Variants in ATP8A1 observed in about 807,000 individuals in gnomAD.
ATP8A1 encodes the protein phospholipid-transporting ATPase IA.
A neutral mutation model predicts 177.7 loss-of-function variants in ATP8A1; 90 were observed. That is an observed-to-expected ratio of 0.51 (90% CI 0.43 to 0.60). The LOEUF is 0.60. ATP8A1 is among the 20% of genes least tolerant of loss of function. ATP8A1 has a pLI of 0.00. For missense variants in ATP8A1, 1,072 were observed against 1,392.8 expected (o/e 0.77, Z 3.67); for synonymous variants, 493 against 485.9 (o/e 1.01, Z -0.19).
intron 25 of ATP8A1, chr4:42,472,162 G>A (rs1720496118): frequency 1.6e-6 from 1 of 623,372 alleles, no homozygotes; most frequent in East Asian, 3.5e-5. Flanking sequence ...AAACATCCTA[G>A]GAGCTGTATA....
intron 25 of ATP8A1, among the ~76,000 whole-genome samples, chr4:42,480,582 C>T (rs1721574592): frequency 6.6e-6 from 1 of 152,124 alleles, no homozygotes; most frequent in Non-Finnish European, 1.5e-5. Flanking sequence ...TTAAGTAGAA[C>T]ATATATTTAG....
intron 5 of ATP8A1, among the ~76,000 whole-genome samples, chr4:42,610,751 A>C (rs1180800283): frequency 6.6e-6 from 1 of 152,206 alleles, no homozygotes; most frequent in East Asian, 1.9e-4. Flanking sequence ...TAAAGCTTAT[A>C]GATGTCTGAA....
At chr4:42,460,379 CTTTTTTT>C (rs35296572) in intron 27 of ATP8A1, among the ~76,000 whole-genome samples, 6 of 94,544 alleles carry the variant, frequency 6.3e-5, no homozygotes, top group African/African-American at 2.0e-4. Flanking sequence ...ATGGATGGAT[CTTTTTTT>C]TTTTTTTTTT....
chr4:42,456,982 A>G (rs1306114807), intron 27 of ATP8A1, among the ~76,000 whole-genome samples: 1 of 152,228 alleles, frequency 6.6e-6, no homozygotes, highest in African/African-American at 2.4e-5. Flanking sequence ...TTGAGCATGT[A>G]TAAAAACTAA....
chr4:42,492,333 T>C (rs1236647031), intron 24 of ATP8A1, among the ~76,000 whole-genome samples: 1 of 152,220 alleles, frequency 6.6e-6, no homozygotes, highest in East Asian at 1.9e-4. Context: ...ACTTTGAGTT[T>C]CAGATACATC....
chr4:42,620,882 T>C (rs143152762), intron 4 of ATP8A1, among the ~76,000 whole-genome samples: 3 of 152,306 alleles, frequency 2.0e-5, no homozygotes, highest in African/African-American at 7.2e-5. Flanking sequence ...ACATGACCTC[T>C]CTAAGCCTCA....
intron 3 of ATP8A1, 59 bp downstream of exon 3, chr4:42,625,555 A>C: frequency 8.4e-7 from 1 of 1,192,512 alleles, no homozygotes; most frequent in South Asian, 1.6e-5. Flanking sequence ...GGGATTGGTC[A>C]CGGGCTTAAC....
intron 33 of ATP8A1, among the ~76,000 whole-genome samples, chr4:42,435,502 G>A (rs112646827): frequency 4.0e-4 from 60 of 148,968 alleles, no homozygotes; most frequent in African/African-American, 1.3e-3. Flanking sequence ...GAAACAGATG[G>A]CACAACGACT....
chr4:42,515,051 C>T (rs1330748070), intron 22 of ATP8A1, among the ~76,000 whole-genome samples: 2 of 152,288 alleles, frequency 1.3e-5, no homozygotes, highest in African/African-American at 2.4e-5. Context: ...AATAGAAGTT[C>T]TAATATTTTC....
intron 1 of ATP8A1, among the ~76,000 whole-genome samples, chr4:42,630,014 GA>G (rs1025136690): frequency 7.2e-4 from 109 of 152,320 alleles, no homozygotes; most frequent in African/African-American, 2.5e-3. Flanking sequence ...GGTTAAAGGT[GA>G]AAACACATTT....
intron 25 of ATP8A1, among the ~76,000 whole-genome samples, chr4:42,467,045 T>G (rs537758430): frequency 6.6e-6 from 1 of 152,200 alleles, no homozygotes; most frequent in Non-Finnish European, 1.5e-5. Context: ...TAGGAAACAG[T>G]GGTACTTTTT....
intron 14 of ATP8A1, among the ~76,000 whole-genome samples, chr4:42,570,105 CTTCCTAAAAGTTCAATCT>C (rs1351801022): frequency 1.3e-5 from 2 of 152,208 alleles, no homozygotes; most frequent in African/African-American, 4.8e-5. Flanking sequence ...GATCCTTTCA[CTTCCTAAAAGTTCAATCT>C]TTCATCAACC....
chr4:42,484,602 A>G (rs1172741022), intron 25 of ATP8A1, among the ~76,000 whole-genome samples: 3 of 152,228 alleles, frequency 2.0e-5, no homozygotes, highest in Admixed American at 2.0e-4. Context: ...TATAAAAAGC[A>G]TAACTTTATT....
chr4:42,492,081 TCA>T, intron 24 of ATP8A1, among the ~76,000 whole-genome samples: 1 of 152,180 alleles, frequency 6.6e-6, no homozygotes, highest in East Asian at 1.9e-4. Flanking sequence ...ATGTGCTCTC[TCA>T]TATATGTCCC....
intron 24 of ATP8A1, among the ~76,000 whole-genome samples, chr4:42,500,858 TA>T (rs1258314445): frequency 3.9e-5 from 6 of 152,174 alleles, no homozygotes; most frequent in African/African-American, 9.7e-5. Flanking sequence ...GCTGAAGAGT[TA>T]TTTTTTTTAA....
intron 7 of ATP8A1, among the ~76,000 whole-genome samples, chr4:42,589,489 A>C (rs1294083508): frequency 6.6e-6 from 1 of 152,210 alleles, no homozygotes; most frequent in Non-Finnish European, 1.5e-5. Flanking sequence ...AAAATTGCTT[A>C]AACACATAGA....
At chr4:42,568,590 G>A (rs1388574148) in intron 15 of ATP8A1, among the ~76,000 whole-genome samples, 1 of 152,050 alleles carries the variant, frequency 6.6e-6, no homozygotes, top group East Asian at 1.9e-4. Context: ...CCCATAAAAC[G>A]CTAACTTTAA....
chr4:42,649,957 T>A (rs1402008948), intron 1 of ATP8A1, among the ~76,000 whole-genome samples: 2 of 152,152 alleles, frequency 1.3e-5, no homozygotes, highest in Admixed American at 6.5e-5. Context: ...ACCCGGAGAA[T>A]ACAATCATTG....
chr4:42,576,970 G>A (rs1448178011), intron 12 of ATP8A1, among the ~76,000 whole-genome samples: 1 of 152,180 alleles, frequency 6.6e-6, no homozygotes. Flanking sequence ...GATCCATTGG[G>A]AAGAACCAGA....
Sources: allele counts gnomAD v4.1 joint callset (sites outside exome capture counted in the v4.1 genomes callset), GRCh38; gene constraint gnomAD v4.1.1; transcripts MANE v1.5; gene names NCBI Gene and HGNC (gene_info 2026-07-23, HGNC 2026-07-21).